Variants in CDH13 observed in about 807,000 individuals in gnomAD.
CDH13 encodes the protein cadherin 13.
Under a neutral mutation model 63.8 loss-of-function variants are expected in CDH13, and 24 were observed. That is an observed-to-expected ratio of 0.38 (90% CI 0.27 to 0.53). The LOEUF is 0.53. CDH13 is among the 20% of genes least tolerant of loss of function. The probability of loss-of-function intolerance (pLI) is 0.85; values close to 1 mark genes in which losing one functional copy is unlikely to be tolerated. For synonymous variants in CDH13, 503 were observed against 355.3 expected (o/e 1.42, Z -4.67); for missense variants, 1,049 against 903.1 (o/e 1.16, Z -2.07).
chr16:83,674,420 C>A (rs1334247810), intron 9 of CDH13, among the ~76,000 whole-genome samples: 4 of 152,268 alleles, frequency 2.6e-5, no homozygotes, highest in Admixed American at 1.3e-4. Flanking sequence ...CTTATGAGAC[C>A]CTCTCCTCTT....
intron 7 of CDH13, among the ~76,000 whole-genome samples, chr16:83,518,102 C>T (rs1223681607): frequency 6.6e-6 from 1 of 152,090 alleles, no homozygotes; most frequent in Non-Finnish European, 1.5e-5. Context: ...TAACCTCATG[C>T]TGTTCTCATG....
At chr16:82,683,812 A>G (rs757669316) in intron 1 of CDH13, among the ~76,000 whole-genome samples, 39 of 152,046 alleles carry the variant, frequency 2.6e-4, no homozygotes, top group Non-Finnish European at 4.6e-4. Context: ...TATTTTTTCT[A>G]TTTTTGCTTT....
At chr16:83,718,603 G>A (rs984038024) in intron 10 of CDH13, among the ~76,000 whole-genome samples, 4 of 151,986 alleles carry the variant, frequency 2.6e-5, no homozygotes, top group East Asian at 1.9e-4. Flanking sequence ...TGGAACCATC[G>A]AGGTGCCGGT....
intron 4 of CDH13, among the ~76,000 whole-genome samples, chr16:83,140,421 C>T (rs1228304067): frequency 6.6e-6 from 1 of 152,188 alleles, no homozygotes; most frequent in Non-Finnish European, 1.5e-5. Context: ...CAGGGACCCA[C>T]AGATAGGTCT....
chr16:83,364,183 T>C (rs2091215671), intron 6 of CDH13, among the ~76,000 whole-genome samples: 1 of 152,172 alleles, frequency 6.6e-6, no homozygotes, highest in East Asian at 1.9e-4. Context: ...TGGTAGGAAA[T>C]TGACTATCTG....
chr16:83,598,197 C>G (rs1210126409), intron 7 of CDH13, among the ~76,000 whole-genome samples: 2 of 152,050 alleles, frequency 1.3e-5, no homozygotes, highest in Admixed American at 1.3e-4. Context: ...GAGACCCTGT[C>G]TCTACAAAAT....
chr16:83,567,403 A>C (rs1349518257), intron 7 of CDH13, among the ~76,000 whole-genome samples: 1 of 152,224 alleles, frequency 6.6e-6, no homozygotes, highest in African/African-American at 2.4e-5. Flanking sequence ...TAAAATTGCA[A>C]ATATCTGCAT....
At position 82,730,807 on chromosome 16, in the gene CDH13, G is replaced by T. The variant is rs1357682596; in HGVS notation, c.45+103670G>T. On this transcript the variant is annotated intron_variant, in intron 1 of 13. Coordinates refer to ENST00000567109, the MANE Select transcript of CDH13 (RefSeq NM_001257.5). ...TTGGCTTAAGGTAATAATTGCTGCAGCCAGCTCAGTCCAGCCCAGATTTGT... is the reference window on the plus strand; with the variant it reads ...TTGGCTTAAGGTAATAATTGCTGCATCCAGCTCAGTCCAGCCCAGATTTGT... 3.9e-5 allele frequency among the ~76,000 whole-genome samples: 6 copies of T among 152,264 alleles called. 1 individual carries two copies. In the East Asian group the frequency reaches 1.2e-3, roughly 29 times the overall value.
intron 1 of CDH13, among the ~76,000 whole-genome samples, chr16:82,706,979 G>A (rs2031544644): frequency 6.6e-6 from 1 of 152,096 alleles, no homozygotes; most frequent in South Asian, 2.1e-4. Context: ...CTACATTTAG[G>A]GAGTCCTCTT....
intron 6 of CDH13, among the ~76,000 whole-genome samples, chr16:83,485,805 C>A (rs1203398395): frequency 6.6e-6 from 1 of 152,084 alleles, no homozygotes; most frequent in East Asian, 1.9e-4. Context: ...ACTCCTGTTT[C>A]CCCAACACGC....
chr16:83,059,257 C>A (rs2031274151), intron 3 of CDH13, among the ~76,000 whole-genome samples: 1 of 152,204 alleles, frequency 6.6e-6, no homozygotes, highest in South Asian at 2.1e-4. Context: ...AATAGAGGGA[C>A]TGGAGCCTTT....
At chr16:83,193,715 C>A (rs1257888796) in intron 4 of CDH13, among the ~76,000 whole-genome samples, 1 of 152,190 alleles carries the variant, frequency 6.6e-6, no homozygotes. Flanking sequence ...CCTTTTCTTT[C>A]TTCCTCTGCA....
chr16:82,889,300 ATCTCTC>A (rs59500269), intron 2 of CDH13, among the ~76,000 whole-genome samples: 2 of 149,804 alleles, frequency 1.3e-5, no homozygotes, highest in African/African-American at 2.5e-5. Flanking sequence ...TCTCTCTATT[ATCTCTC>A]TCTCTCTCTC....
At chr16:82,713,805 T>TG (rs1265485672) in intron 1 of CDH13, among the ~76,000 whole-genome samples, 123 of 103,706 alleles carry the variant, frequency 1.2e-3, no homozygotes, top group Middle Eastern at 6.0e-3. Flanking sequence ...TCTGTATTTG[T>TG]GAAAAAAAAA....
chr16:83,174,347 CT>C (rs1054580777), intron 4 of CDH13, among the ~76,000 whole-genome samples: 17 of 151,986 alleles, frequency 1.1e-4, no homozygotes, highest in Non-Finnish European at 2.2e-4. Flanking sequence ...TTGGCACTAT[CT>C]TTTTTTTCTT....
intron 3 of CDH13, among the ~76,000 whole-genome samples, chr16:83,083,246 C>T (rs2033374583): frequency 6.6e-6 from 1 of 152,096 alleles, no homozygotes; most frequent in Non-Finnish European, 1.5e-5. Context: ...GGAGAAGAGC[C>T]CAACTGGTGT....
intron 4 of CDH13, among the ~76,000 whole-genome samples, chr16:83,193,248 C>T (rs2038778643): frequency 6.6e-6 from 1 of 151,402 alleles, no homozygotes. Flanking sequence ...TGCATGATAT[C>T]ATGCAAATCT....
intron 11 of CDH13, among the ~76,000 whole-genome samples, chr16:83,769,947 G>C (rs182524229): frequency 6.6e-6 from 1 of 152,124 alleles, no homozygotes; most frequent in Non-Finnish European, 1.5e-5. Flanking sequence ...ACTTGGTTAC[G>C]GTACATGACC....
chr16:83,636,615 T>C (rs1463204152), intron 8 of CDH13, among the ~76,000 whole-genome samples: 2 of 152,350 alleles, frequency 1.3e-5, no homozygotes, highest in African/African-American at 4.8e-5. Context: ...GATTTCATTA[T>C]TTTCTATGGT....
Sources: allele counts gnomAD v4.1 joint callset (sites outside exome capture counted in the v4.1 genomes callset), GRCh38; gene constraint gnomAD v4.1.1; transcripts MANE v1.5; gene names NCBI Gene and HGNC (gene_info 2026-07-23, HGNC 2026-07-21).